ADGRL3: variants seen among roughly 807,000 people sequenced by gnomAD.
The protein encoded by ADGRL3 is calcium-independent alpha-latrotoxin receptor 3.
ADGRL3 carries 62 observed loss-of-function variants against 153.5 expected under a neutral mutation model. The observed-to-expected ratio is 0.40, with a 90% confidence interval of 0.33 to 0.50. The LOEUF (loss-of-function observed/expected upper bound fraction) is 0.50, where lower values mean the gene tolerates loss of function less well. ADGRL3 is among the 20% of genes least tolerant of loss of function. The pLI is 0.47. For missense variants in ADGRL3, 1,641 were observed against 1,859.4 expected (o/e 0.88, Z 2.16); for synonymous variants, 710 against 672.5 (o/e 1.06, Z -0.86).
intron 8 of ADGRL3, among the ~76,000 whole-genome samples, chr4:61,779,610 G>T (rs139866148): frequency 7.3e-6 from 1 of 136,746 alleles, no homozygotes; most frequent in East Asian, 2.0e-4. Flanking sequence ...ACCCAGCCTC[G>T]GTGCTGCAGT....
rs182795340 is a variant in ADGRL3 at position 61,784,663 on chromosome 4, G to A, written c.1400-29146G>A. ...AACATTTTCATGCTATTCCCATTTG[G>A]TCAGAACACTTCCTAAGAATTGGGT... On this transcript the variant is annotated intron_variant, in intron 8 of 26. Transcript: ENST00000683033. Among the ~76,000 whole-genome samples the A allele has an allele frequency of 1.1e-3, 160 of 152,088 alleles. 3 individuals are homozygous for A. Among genetic ancestry groups the A allele is most frequent in the Middle Eastern group, 0.01 (3 of 294 alleles).
At chr4:61,674,541 T>C (rs924359490) in intron 5 of ADGRL3, among the ~76,000 whole-genome samples, 2 of 151,850 alleles carry the variant, frequency 1.3e-5, no homozygotes, top group African/African-American at 4.8e-5. Context: ...TATGTATAAA[T>C]ATTCACACAT....
intron 13 of ADGRL3, among the ~76,000 whole-genome samples, chr4:61,929,506 C>G (rs892497936): frequency 5.3e-5 from 8 of 152,152 alleles, no homozygotes; most frequent in Admixed American, 2.0e-4. Context: ...TTATACTCAT[C>G]AAACTAATAA....
chr4:61,714,221 G>GCACACACACACACACACACACA (rs57350284), intron 6 of ADGRL3, among the ~76,000 whole-genome samples: 351 of 150,836 alleles, frequency 2.3e-3, no homozygotes, highest in East Asian at 0.013. Context: ...TGTAAAATAC[G>GCACACACACACACACACACACA]CACACACACA....
At chr4:61,312,387 T>A (rs1380311120) in intron 1 of ADGRL3, among the ~76,000 whole-genome samples, 1 of 152,096 alleles carries the variant, frequency 6.6e-6, no homozygotes, top group Non-Finnish European at 1.5e-5. Context: ...ATACACACAA[T>A]CACAGTCAAT....
intron 6 of ADGRL3, among the ~76,000 whole-genome samples, chr4:61,691,028 G>A (rs1397084376): frequency 6.6e-6 from 1 of 152,152 alleles, no homozygotes; most frequent in Non-Finnish European, 1.5e-5. Flanking sequence ...TGACTGCTCT[G>A]CAACAGATGG....
intron 4 of ADGRL3, among the ~76,000 whole-genome samples, chr4:61,526,633 G>C (rs1377271678): frequency 6.6e-6 from 1 of 151,908 alleles, no homozygotes; most frequent in Non-Finnish European, 1.5e-5. Context: ...AAAAATAGCT[G>C]GGTATGGTGG....
At chr4:61,466,073 G>A (rs545719969) in intron 2 of ADGRL3, among the ~76,000 whole-genome samples, 40 of 151,950 alleles carry the variant, frequency 2.6e-4, no homozygotes, top group African/African-American at 8.9e-4. Context: ...AGTGAGCCCA[G>A]AGTGCCATTG....
At chr4:61,606,218 T>G (rs2099031805) in intron 5 of ADGRL3, among the ~76,000 whole-genome samples, 1 of 152,160 alleles carries the variant, frequency 6.6e-6, no homozygotes, top group Admixed American at 6.6e-5. Context: ...AGTGAACTAA[T>G]GCAGTTTGGT....
intron 1 of ADGRL3, chr4:61,211,613 T>G (rs1740044930): frequency 6.6e-6 from 1 of 152,158 alleles, no homozygotes; most frequent in Non-Finnish European, 1.5e-5. Flanking sequence ...GAAAATGGGT[T>G]TACCCTTTTC....
chr4:61,238,754 G>T (rs548333308), intron 1 of ADGRL3, among the ~76,000 whole-genome samples: 1 of 151,960 alleles, frequency 6.6e-6, no homozygotes, highest in Non-Finnish European at 1.5e-5. Flanking sequence ...ATTATTTGAA[G>T]GTTAAAACAT....
At chr4:61,912,901 G>T (rs751065193) in intron 13 of ADGRL3, 144 bp downstream of exon 13, 5 of 727,026 alleles carry the variant, frequency 6.9e-6, no homozygotes, top group Non-Finnish European at 1.1e-5. Flanking sequence ...GGAACAGAAA[G>T]CATGAAAGCA....
chr4:61,416,403 A>T (rs2097145284), intron 2 of ADGRL3, among the ~76,000 whole-genome samples: 1 of 151,930 alleles, frequency 6.6e-6, no homozygotes, highest in African/African-American at 2.4e-5. Context: ...AAAATTAAAG[A>T]ATAAGGACAT....
intron 8 of ADGRL3, among the ~76,000 whole-genome samples, chr4:61,749,212 A>G (rs1393609664): frequency 6.6e-6 from 1 of 152,022 alleles, no homozygotes; most frequent in Non-Finnish European, 1.5e-5. Flanking sequence ...AGGAAACAAC[A>G]GATGCTGGAG....
chr4:61,465,758 A>ATATATATATATATAT (rs2097871895), intron 2 of ADGRL3, among the ~76,000 whole-genome samples: 3 of 130,178 alleles, frequency 2.3e-5, no homozygotes, highest in South Asian at 2.5e-4. Flanking sequence ...ATTATATATA[A>ATATATATATATATAT]ATATATATAT....
chr4:61,307,578 C>T (rs1403296734), intron 1 of ADGRL3, among the ~76,000 whole-genome samples: 6 of 151,900 alleles, frequency 3.9e-5, no homozygotes. Flanking sequence ...ATATGTTATT[C>T]ACTCTGTGAC....
intron 21 of ADGRL3, among the ~76,000 whole-genome samples, chr4:62,006,227 G>A (rs1305307265): frequency 6.6e-6 from 1 of 150,998 alleles, no homozygotes; most frequent in African/African-American, 2.4e-5. Context: ...GTAGAGATGG[G>A]GTTTCACCAA....
At chr4:61,259,906 T>C (rs371536390) in intron 1 of ADGRL3, among the ~76,000 whole-genome samples, 283 of 152,268 alleles carry the variant, frequency 1.9e-3, no homozygotes, top group African/African-American at 6.2e-3. Context: ...AATCATTACT[T>C]TATGATTCAA....
At chr4:61,403,013 A>G (rs181994892) in intron 2 of ADGRL3, among the ~76,000 whole-genome samples, 7 of 149,756 alleles carry the variant, frequency 4.7e-5, no homozygotes, top group African/African-American at 1.7e-4. Context: ...CCTGGCTTGT[A>G]CATGGCTGCC....
Sources: allele counts gnomAD v4.1 joint callset (sites outside exome capture counted in the v4.1 genomes callset), GRCh38; gene constraint gnomAD v4.1.1; transcripts MANE v1.5; gene names NCBI Gene and HGNC (gene_info 2026-07-23, HGNC 2026-07-21).